Variants in LINGO2 observed in about 807,000 individuals in gnomAD.
LINGO2 encodes leucine rich repeat and Ig domain containing 2, also known as leucine-rich repeat and immunoglobulin-like domain-containing nogo receptor-interacting protein 2.
Under a neutral mutation model 30.6 loss-of-function variants are expected in LINGO2, and 14 were observed. The observed-to-expected ratio is 0.46, with a 90% confidence interval of 0.30 to 0.72. The LOEUF (loss-of-function observed/expected upper bound fraction) is 0.72, where lower values mean the gene tolerates loss of function less well. Among genes scored for constraint, LINGO2 ranks in the 30% least tolerant of loss-of-function variants. LINGO2 has a pLI of 0.07. For missense variants in LINGO2, 729 were observed against 751.7 expected, an observed-to-expected ratio of 0.97 and a Z score of 0.35; for synonymous variants, 317 against 288.5, an observed-to-expected ratio of 1.10 and a Z score of -1.00.
At chr9:28,873,226 C>G in the LINGO2 span, among the ~76,000 whole-genome samples, 1 of 151,402 alleles carries the variant, frequency 6.6e-6, no homozygotes, top group African/African-American at 2.4e-5. Flanking sequence ...AAAAATTAGT[C>G]AGGAGTGGTG....
the LINGO2 span, among the ~76,000 whole-genome samples, chr9:29,032,746 T>A: frequency 3.3e-5 from 5 of 152,192 alleles, no homozygotes; most frequent in African/African-American, 1.2e-4. Flanking sequence ...TTTAAATCTA[T>A]ATCAATTGTA....
At chr9:28,624,262 G>A (rs1826547792) in intron 1 of LINGO2, among the ~76,000 whole-genome samples, 1 of 152,042 alleles carries the variant, frequency 6.6e-6, no homozygotes, top group Non-Finnish European at 1.5e-5. Flanking sequence ...GATCTTAGAG[G>A]AAAAGCTTTT....
intron 4 of LINGO2, among the ~76,000 whole-genome samples, chr9:28,182,225 G>C (rs141132908): frequency 6.6e-6 from 1 of 152,000 alleles, no homozygotes; most frequent in Non-Finnish European, 1.5e-5. Context: ...AGGATCTCCT[G>C]TTCAATAAAT....
chr9:28,975,110 C>T, the LINGO2 span, among the ~76,000 whole-genome samples: 3 of 151,954 alleles, frequency 2.0e-5, no homozygotes, highest in Non-Finnish European at 4.4e-5. Flanking sequence ...GAAAAAGTAC[C>T]GAAGAATCAC....
intron 5 of LINGO2, among the ~76,000 whole-genome samples, chr9:28,004,841 C>A (rs1046249826): frequency 1.3e-5 from 2 of 152,096 alleles, no homozygotes; most frequent in Admixed American, 6.6e-5. Context: ...TTGGAGAATG[C>A]GGCAGGGATC....
intron 5 of LINGO2, among the ~76,000 whole-genome samples, chr9:27,990,626 T>C (rs1191073254): frequency 2.0e-5 from 3 of 152,002 alleles, no homozygotes; most frequent in East Asian, 3.9e-4. Flanking sequence ...TTAACACTCC[T>C]GTGGGGAGAA....
intron 1 of LINGO2, among the ~76,000 whole-genome samples, chr9:28,609,100 C>A (rs1051125331): frequency 2.0e-5 from 3 of 150,320 alleles, no homozygotes; most frequent in African/African-American, 7.3e-5. Context: ...AGAACATATG[C>A]ATCAGCCATC....
intron 1 of LINGO2, among the ~76,000 whole-genome samples, chr9:28,669,074 A>G (rs915392121): frequency 2.6e-5 from 4 of 152,004 alleles, no homozygotes; most frequent in African/African-American, 9.7e-5. Flanking sequence ...CCCCTTAAAT[A>G]TATTTATTTT....
intron 1 of LINGO2, among the ~76,000 whole-genome samples, chr9:28,505,712 C>A (rs1052819902): frequency 6.6e-6 from 1 of 151,890 alleles, no homozygotes; most frequent in African/African-American, 2.4e-5. Context: ...CCAACTAATG[C>A]ATAACCTGCA....
chr9:28,012,420 A>C (rs866332279), intron 4 of LINGO2: 1 of 152,142 alleles, frequency 6.6e-6, no homozygotes, highest in Non-Finnish European at 1.5e-5. Flanking sequence ...AGGATAAAAA[A>C]AAAAAAAAGT....
At chr9:28,879,983 T>G in the LINGO2 span, among the ~76,000 whole-genome samples, 1 of 152,208 alleles carries the variant, frequency 6.6e-6, no homozygotes, top group Non-Finnish European at 1.5e-5. Flanking sequence ...AATAAAAGAA[T>G]GCCATTGAAC....
At chr9:28,389,393 AG>A (rs1821733140) in intron 2 of LINGO2, among the ~76,000 whole-genome samples, 1 of 152,192 alleles carries the variant, frequency 6.6e-6, no homozygotes, top group South Asian at 2.1e-4. Flanking sequence ...ACAGATTGGA[AG>A]CTACATATCA....
chr9:28,667,333 T>TA (rs1288267447), intron 1 of LINGO2, among the ~76,000 whole-genome samples: 2 of 152,188 alleles, frequency 1.3e-5, no homozygotes, highest in Non-Finnish European at 2.9e-5. Flanking sequence ...ACCACAGCTA[T>TA]AAAATCTAAT....
chr9:28,097,510 A>G (rs1367995173), intron 4 of LINGO2, among the ~76,000 whole-genome samples: 1 of 145,924 alleles, frequency 6.9e-6, no homozygotes, highest in African/African-American at 2.6e-5. Flanking sequence ...CAGCCATAAA[A>G]AATGATGAGT....
At position 28,111,874 on chromosome 9, in the gene LINGO2, A is replaced by G. The variant is rs950534496; in HGVS notation, c.-86-99469T>C. ...TATATGAAGGTGATATTCAAACCATATCTTAGATGATAGAATAAATGTTTA... is the reference window on the plus strand; with the variant it reads ...TATATGAAGGTGATATTCAAACCATGTCTTAGATGATAGAATAAATGTTTA... On this transcript the variant is annotated intron_variant, in intron 4 of 5. Coordinates refer to ENST00000379992, the Ensembl canonical transcript of LINGO2. 4.6e-5 allele frequency among the ~76,000 whole-genome samples: 7 copies of G among 152,206 alleles called. No individual in the cohort carries two copies. In the East Asian group the frequency reaches 1.4e-3, roughly 29 times the overall value.
intron 1 of LINGO2, among the ~76,000 whole-genome samples, chr9:28,542,420 G>A (rs751971521): frequency 6.6e-6 from 1 of 152,012 alleles, no homozygotes; most frequent in Non-Finnish European, 1.5e-5. Flanking sequence ...AGGCTCTTGT[G>A]CCAGGTAAGA....
intron 1 of LINGO2, among the ~76,000 whole-genome samples, chr9:28,659,637 C>A (rs1167338466): frequency 6.6e-6 from 1 of 151,806 alleles, no homozygotes; most frequent in African/African-American, 2.4e-5. Context: ...TTTGTAGATA[C>A]AAGGTTTTGC....
the LINGO2 span, among the ~76,000 whole-genome samples, chr9:28,806,534 G>C: frequency 6.6e-6 from 1 of 152,054 alleles, no homozygotes; most frequent in African/African-American, 2.4e-5. Flanking sequence ...ATTGACTACA[G>C]ACTGCTCCTA....
the LINGO2 span, among the ~76,000 whole-genome samples, chr9:28,760,914 ACGTG>A: frequency 5.4e-5 from 2 of 36,970 alleles, no homozygotes; most frequent in Non-Finnish European, 1.3e-4. Flanking sequence ...GTATATACGT[ACGTG>A]TGTGTGTGTG....
Sources: allele counts gnomAD v4.1 joint callset (sites outside exome capture counted in the v4.1 genomes callset), GRCh38; gene constraint gnomAD v4.1.1; transcripts MANE v1.5; gene names NCBI Gene and HGNC (gene_info 2026-07-23, HGNC 2026-07-21).